Variants in LRRC20 observed in about 807,000 individuals in gnomAD.
LRRC20 encodes leucine rich repeat containing 20.
In LRRC20, 11 loss-of-function variants were observed where a neutral mutation model predicts 14.4. The observed-to-expected ratio is 0.77, with a 90% CI of 0.48 to 1.27. LRRC20 has a LOEUF of 1.27. Ranked by LOEUF, LRRC20 falls within the 50% of genes most tolerant of loss-of-function variation. LRRC20 has a pLI of 0.00. For missense variants in LRRC20, 219 were observed against 251.2 expected (o/e 0.87, Z 0.87); for synonymous variants, 121 against 107.3 (o/e 1.13, Z -0.79).
rs193160296 is a variant in LRRC20 at position 70,358,329 on chromosome 10, T to C, written c.83-17627A>G. ...GGGCAGAGGGCGAGGGGGCAGCAGA[T>C]GGAAGCTGCGAGAGCCACACCCGCT... On this transcript the variant is annotated intron_variant, in intron 2 of 4. Coordinates refer to ENST00000446961, the MANE Select transcript of LRRC20 (RefSeq NM_001278212.2). 2.8e-3 allele frequency among the ~76,000 whole-genome samples: 433 copies of C among 152,244 alleles called. 1 individual carries two copies. Among genetic ancestry groups the C allele is most frequent in the African/African-American group, 0.01 (420 of 41,542 alleles).
At chr10:70,316,364 C>A (rs1321216332) in intron 4 of LRRC20, among the ~76,000 whole-genome samples, 1 of 152,208 alleles carries the variant, frequency 6.6e-6, no homozygotes, top group Non-Finnish European at 1.5e-5. Flanking sequence ...AACTCCTGAC[C>A]TCAAGTGATC....
intron 2 of LRRC20, among the ~76,000 whole-genome samples, chr10:70,353,604 G>A (rs982412904): frequency 2.0e-5 from 3 of 152,114 alleles, no homozygotes; most frequent in Non-Finnish European, 4.4e-5. Flanking sequence ...TTTTAGTAGA[G>A]AAGGGGTTTC....
intron 4 of LRRC20, among the ~76,000 whole-genome samples, chr10:70,312,995 T>A (rs1228053194): frequency 6.6e-6 from 1 of 152,230 alleles, no homozygotes; most frequent in Non-Finnish European, 1.5e-5. Context: ...GTGCCCCAGG[T>A]TGGCCAGCAA....
At position 70,300,627 on chromosome 10, in the gene LRRC20, G is replaced by C; in HGVS notation, c.*727C>G. The stretch of plus-strand genomic sequence containing the variant: ...TGATGCTAGAGGGACGGAGCACTCA[G>C]GACTTCCCACCCCGCCAATTTGTTA... On this transcript the variant is annotated 3_prime_UTR_variant, in exon 5 of 5. Transcript: ENST00000446961. The C allele has an allele frequency of 1.0e-6, 1 of 985,584 alleles. No individual in the cohort carries two copies. Among genetic ancestry groups the C allele is most frequent in the Non-Finnish European group, 1.2e-6 (1 of 830,058 alleles). The allele number at this position is 985,584 out of a possible 1,614,324, so 61.1% of individuals were successfully genotyped here.
chr10:70,335,638 T>C (rs967831637), intron 3 of LRRC20, among the ~76,000 whole-genome samples: 1 of 152,186 alleles, frequency 6.6e-6, no homozygotes. Context: ...CTCTGCCTTT[T>C]CCACAGGGCC....
At chr10:70,374,141 C>T (rs896657949) in intron 2 of LRRC20, among the ~76,000 whole-genome samples, 9 of 152,188 alleles carry the variant, frequency 5.9e-5, no homozygotes, top group Non-Finnish European at 1.3e-4. Flanking sequence ...TGGGCAGGGC[C>T]TCTCCTCCAA....
At chr10:70,306,405 G>C (rs1380348046) in intron 4 of LRRC20, among the ~76,000 whole-genome samples, 1 of 151,932 alleles carries the variant, frequency 6.6e-6, no homozygotes, top group East Asian at 1.9e-4. Flanking sequence ...TAACTCTTTG[G>C]GCCCCTTTGT....
chr10:70,305,945 T>C (rs991346463), intron 4 of LRRC20, among the ~76,000 whole-genome samples: 1 of 152,174 alleles, frequency 6.6e-6, no homozygotes, highest in Admixed American at 6.5e-5. Context: ...TTTCACCGTG[T>C]TAGCCAGGAT....
intron 4 of LRRC20, among the ~76,000 whole-genome samples, chr10:70,310,785 C>G (rs1024924563): frequency 6.6e-6 from 1 of 152,236 alleles, no homozygotes. Context: ...GGGCCCATTC[C>G]CTGGCCTCAC....
At chr10:70,368,557 C>T (rs1356403018) in intron 2 of LRRC20, among the ~76,000 whole-genome samples, 3 of 151,264 alleles carry the variant, frequency 2.0e-5, no homozygotes, top group Non-Finnish European at 2.9e-5. Flanking sequence ...TTACAGGCAT[C>T]AGCCACCGCG....
intron 2 of LRRC20, among the ~76,000 whole-genome samples, chr10:70,343,404 G>A (rs1842980975): frequency 6.6e-6 from 1 of 152,190 alleles, no homozygotes; most frequent in Non-Finnish European, 1.5e-5. Flanking sequence ...GGTCCACAGG[G>A]CTCCTCTGCC....
At chr10:70,330,076 A>G (rs1201350229) in intron 3 of LRRC20, among the ~76,000 whole-genome samples, 1 of 152,064 alleles carries the variant, frequency 6.6e-6, no homozygotes, top group Non-Finnish European at 1.5e-5. Context: ...CATTTTTTAT[A>G]CTGTCTTTGT....
rs544861445 is a variant in LRRC20, at chr10:70,323,955, T to C, written c.308A>G (p.Asp103Gly). ...GTCCTGGAACTGGTTCCGGGACAGG[T>C]CAATGGCCTTGAGGTGCTGCAGGGC... ...VSALQHLKAI[D>G]LSRNQFQDFP... is the part of the protein sequence containing the mutation. The change falls in exon 4 of 5, where the codon GAC becomes GGC. Residue 103 changes from aspartate to glycine, a missense_variant. Asp to Gly is a moderately conservative substitution (Grantham distance 94, BLOSUM62 -1). Coordinates refer to ENST00000446961, the MANE Select transcript of LRRC20 (RefSeq NM_001278212.2). The C allele has an allele frequency of 1.2e-6, 2 of 1,614,078 alleles. No homozygotes were observed. The highest frequency in any genetic ancestry group is 4.5e-5 in the East Asian group (2 of 44,864).
intron 2 of LRRC20, among the ~76,000 whole-genome samples, chr10:70,364,168 G>T (rs1223786950): frequency 6.6e-6 from 1 of 152,162 alleles, no homozygotes; most frequent in Non-Finnish European, 1.5e-5. Flanking sequence ...AAACATCACA[G>T]CAAAACACAC....
intron 1 of LRRC20, among the ~76,000 whole-genome samples, chr10:70,378,615 C>T (rs1266362690): frequency 2.0e-5 from 3 of 151,914 alleles, no homozygotes; most frequent in Non-Finnish European, 2.9e-5. Flanking sequence ...GGTAAAACTC[C>T]ATCTCTACTA....
At chr10:70,359,826 C>T (rs1843654815) in intron 2 of LRRC20, among the ~76,000 whole-genome samples, 1 of 152,134 alleles carries the variant, frequency 6.6e-6, no homozygotes. Context: ...GTTTAAATGC[C>T]TCCTCTCCAC....
intron 2 of LRRC20, among the ~76,000 whole-genome samples, chr10:70,371,372 A>T (rs1462194898): frequency 6.6e-6 from 1 of 152,060 alleles, no homozygotes; most frequent in East Asian, 1.9e-4. Flanking sequence ...ACATGTATTG[A>T]GTACCTGCTG....
chr10:70,309,217 C>G (rs923030067), intron 4 of LRRC20, among the ~76,000 whole-genome samples: 1 of 152,168 alleles, frequency 6.6e-6, no homozygotes, highest in Admixed American at 6.5e-5. Flanking sequence ...CCATTGGACA[C>G]AGGAGGAAAT....
Position 70,376,558 on chromosome 10 carries a change from GC to G in LRRC20, c.-26del. On this transcript the variant is annotated 5_prime_UTR_variant, in exon 2 of 5. Coordinates refer to ENST00000446961, the MANE Select transcript of LRRC20 (RefSeq NM_001278212.2). ...TGCAGACACAGGTGTCCTGCCGCCA[GC>G]CCCCAGGCTGGTCTGCTTCTCACAA... is the stretch of plus-strand genomic sequence containing the variant. 1.2e-6 allele frequency: 2 copies of G among 1,609,538 alleles called. No individual in the cohort carries two copies. The highest frequency in any genetic ancestry group is 8.5e-7 in the Non-Finnish European group (1 of 1,178,164).
Sources: allele counts gnomAD v4.1 joint callset (sites outside exome capture counted in the v4.1 genomes callset), GRCh38; gene constraint gnomAD v4.1.1; transcripts MANE v1.5; gene names NCBI Gene and HGNC (gene_info 2026-07-23, HGNC 2026-07-21).